Variants in KIAA1217 observed in about 807,000 individuals in gnomAD.
The protein encoded by KIAA1217 is sickle tail protein homolog.
In KIAA1217, 88 loss-of-function variants were observed where a neutral mutation model predicts 163.9. The ratio of observed to expected loss-of-function variants is 0.54; its 90% CI spans 0.45 to 0.64. The LOEUF is 0.64. KIAA1217 is among the 30% of genes least tolerant of loss of function. The pLI is 0.00. For missense variants in KIAA1217, 2,372 were observed against 2,475.0 expected (o/e 0.96, Z 0.88); for synonymous variants, 903 against 923.1 (o/e 0.98, Z 0.39).
intron 2 of KIAA1217, among the ~76,000 whole-genome samples, chr10:24,185,380 T>G (rs77394181): frequency 0.32 from 48,165 of 151,958 alleles, 8,374 homozygotes; most frequent in South Asian, 0.42. Context: ...CCTCGAACTC[T>G]TCCTTTGTTG....
At chr10:23,833,716 A>T (rs906907699) in intron 1 of KIAA1217, among the ~76,000 whole-genome samples, 1 of 151,800 alleles carries the variant, frequency 6.6e-6, no homozygotes, top group African/African-American at 2.4e-5. Flanking sequence ...TTTCCATTCA[A>T]TATCTTTCTA....
At chr10:24,414,707 C>T (rs139766155) in intron 3 of KIAA1217, among the ~76,000 whole-genome samples, 6 of 152,270 alleles carry the variant, frequency 3.9e-5, no homozygotes, top group East Asian at 3.9e-4. Context: ...CTTGTCCTTG[C>T]GGACTCGCCC....
intron 2 of KIAA1217, among the ~76,000 whole-genome samples, chr10:24,153,593 A>G (rs1439800069): frequency 6.6e-6 from 1 of 152,222 alleles, no homozygotes; most frequent in Non-Finnish European, 1.5e-5. Flanking sequence ...AATCCAGTCA[A>G]GGCTGAGAGT....
intron 1 of KIAA1217, among the ~76,000 whole-genome samples, chr10:23,962,390 C>T (rs1410217826): frequency 6.6e-6 from 1 of 152,080 alleles, no homozygotes; most frequent in East Asian, 1.9e-4. Context: ...AACATGGCAC[C>T]TTCTTGTTAT....
chr10:23,865,436 A>T (rs1157641019), intron 1 of KIAA1217, among the ~76,000 whole-genome samples: 1 of 152,034 alleles, frequency 6.6e-6, no homozygotes, highest in African/African-American at 2.4e-5. Flanking sequence ...ATTTATTTCT[A>T]TTGTTTTTTC....
intron 3 of KIAA1217, among the ~76,000 whole-genome samples, chr10:24,405,492 A>G (rs1003833759): frequency 6.6e-6 from 1 of 152,234 alleles, no homozygotes; most frequent in Non-Finnish European, 1.5e-5. Context: ...GGCAGAAACA[A>G]TAAAAGACCA....
At chr10:23,931,196 G>C (rs1205913580) in intron 1 of KIAA1217, among the ~76,000 whole-genome samples, 1 of 152,036 alleles carries the variant, frequency 6.6e-6, no homozygotes, top group Non-Finnish European at 1.5e-5. Flanking sequence ...TTACATGGAT[G>C]TTCTTGTATA....
At chr10:24,413,359 A>G (rs1424332505) in intron 3 of KIAA1217, among the ~76,000 whole-genome samples, 1 of 152,058 alleles carries the variant, frequency 6.6e-6, no homozygotes, top group African/African-American at 2.4e-5. Flanking sequence ...TTTAGTAGAG[A>G]CAGGGTTTCA....
rs138771064 is a variant in KIAA1217 at position 23,973,952 on chromosome 10, C to A, written c.-320-33273C>A. ...TAGAATCAGATGTTAACCAAATAGC[C>A]CCCAAATACATGAACAATGTTTAAA... On this transcript the variant is annotated intron_variant, in intron 1 of 18. Transcript: ENST00000376462. Among the ~76,000 whole-genome samples the A allele has an allele frequency of 1.1e-3, 174 of 152,232 alleles. 2 individuals carry two copies. The highest frequency in any genetic ancestry group is 3.9e-3 in the African/African-American group (163 of 41,558).
At chr10:24,110,115 A>G (rs2062789013) in intron 2 of KIAA1217, among the ~76,000 whole-genome samples, 1 of 152,208 alleles carries the variant, frequency 6.6e-6, no homozygotes, top group African/African-American at 2.4e-5. Context: ...GGACTTTGAG[A>G]CAGTCTTAAT....
At position 24,546,110 on chromosome 10, in the gene KIAA1217, G is replaced by T; in HGVS notation, c.5618G>T (p.Gly1873Val). Residue 1873 changes from glycine (G) to valine (V), a missense_variant, in exon 21 of 21, where the codon GGT becomes GTT. By Grantham distance (109) the Gly-to-Val change is moderately radical (BLOSUM62 -3). Coordinates refer to ENST00000376454, the MANE Select transcript of KIAA1217 (RefSeq NM_019590.5). Reference sequence around the variant, plus strand: ...CAGAGCCTCACTCATACAGGTAAAGGTCACCATCTTTCATTCTCACCGCAG... The same window carrying T: ...CAGAGCCTCACTCATACAGGTAAAGTTCACCATCTTTCATTCTCACCGCAG... ...KFQSLTHTGK[G>V]HHLSFSPQSQ... 2.5e-6 allele frequency: 4 copies of T among 1,614,016 alleles called. No homozygotes were observed. Among genetic ancestry groups the T allele is most frequent in the Non-Finnish European group, 3.4e-6 (4 of 1,180,028 alleles).
chr10:23,814,753 T>C (rs1012682107), intron 1 of KIAA1217, among the ~76,000 whole-genome samples: 5 of 152,178 alleles, frequency 3.3e-5, no homozygotes, highest in Non-Finnish European at 5.9e-5. Flanking sequence ...GCATGACATT[T>C]TTCTGTTCTT....
At chr10:24,402,466 G>A (rs1380104986) in intron 3 of KIAA1217, among the ~76,000 whole-genome samples, 13 of 144,772 alleles carry the variant, frequency 9.0e-5, no homozygotes, top group Admixed American at 7.6e-4. Context: ...CCGAGATCGC[G>A]CCACTGCACT....
chr10:24,056,040 CA>C (rs931641169), intron 2 of KIAA1217, among the ~76,000 whole-genome samples: 11 of 149,326 alleles, frequency 7.4e-5, no homozygotes, highest in South Asian at 4.3e-4. Context: ...GAGGCAAAAG[CA>C]AAAAAAAAGC....
At chr10:23,975,107 T>C (rs1845484068) in intron 1 of KIAA1217, among the ~76,000 whole-genome samples, 1 of 152,220 alleles carries the variant, frequency 6.6e-6, no homozygotes, top group African/African-American at 2.4e-5. Context: ...GCTAAGGAGA[T>C]GGCATGCCAA....
At chr10:24,422,581 G>T (rs1591800072) in intron 3 of KIAA1217, among the ~76,000 whole-genome samples, 1 of 152,154 alleles carries the variant, frequency 6.6e-6, no homozygotes, top group Non-Finnish European at 1.5e-5. Flanking sequence ...GGGACAAGAA[G>T]ACCTATTTGG....
chr10:23,929,850 T>C (rs1246920733), intron 1 of KIAA1217, among the ~76,000 whole-genome samples: 1 of 152,202 alleles, frequency 6.6e-6, no homozygotes, highest in Non-Finnish European at 1.5e-5. Context: ...CAGATGGTAG[T>C]TCTGTTTTAA....
At chr10:24,325,260 A>G (rs1346815774) in intron 2 of KIAA1217, among the ~76,000 whole-genome samples, 2 of 152,208 alleles carry the variant, frequency 1.3e-5, no homozygotes, top group Non-Finnish European at 2.9e-5. Flanking sequence ...TCTTTCAGGT[A>G]TGGAACTCAG....
intron 1 of KIAA1217, among the ~76,000 whole-genome samples, chr10:23,734,469 A>G (rs922425198): frequency 6.6e-6 from 1 of 151,290 alleles, no homozygotes; most frequent in Non-Finnish European, 1.5e-5. Context: ...TTGTATTTTT[A>G]CTGGAGACAG....
Sources: gnomAD v4.1 joint callset for allele counts (sites outside exome capture counted in the v4.1 genomes callset) on GRCh38, gnomAD v4.1.1 for gene constraint, MANE v1.5 for transcripts, NCBI Gene and HGNC (gene_info 2026-07-23, HGNC 2026-07-21) for gene names.